The following TENM3 variants were observed in gnomAD, a reference collection of about 807,000 sequenced individuals.
TENM3 encodes the protein teneurin transmembrane protein 3.
A neutral mutation model predicts 255.1 loss-of-function variants in TENM3; 63 were observed. The observed-to-expected ratio is 0.25, with a 90% CI of 0.20 to 0.30. TENM3 has a LOEUF of 0.30. Ranked by LOEUF, TENM3 falls within the 10% of genes least tolerant of loss-of-function variation. The probability of loss-of-function intolerance (pLI) is 1.00; values close to 1 mark genes in which losing one functional copy is unlikely to be tolerated. For synonymous variants in TENM3, 1,306 were observed against 1,322.3 expected (o/e 0.99, Z 0.27); for missense variants, 2,929 against 3,461.1 (o/e 0.85, Z 3.86).
chr4:182,169,074 T>TACACACACACACACACACACAC (rs55885166), intron 1 of TENM3, among the ~76,000 whole-genome samples: 6 of 137,856 alleles, frequency 4.4e-5, no homozygotes, highest in South Asian at 2.4e-4. Context: ...AATCATGCCA[T>TACACACACACACACACACACAC]ACACACACAC....
chr4:181,993,347 G>A, the TENM3 span, among the ~76,000 whole-genome samples: 554 of 152,132 alleles, frequency 3.6e-3, 4 homozygotes, highest in African/African-American at 0.012. Flanking sequence ...TGATAAGCTG[G>A]ACTTACCCAC....
intron 3 of TENM3, among the ~76,000 whole-genome samples, chr4:182,490,889 T>A (rs2151583402): frequency 6.6e-6 from 1 of 152,340 alleles, no homozygotes; most frequent in South Asian, 2.1e-4. Context: ...TGCCTGCTTG[T>A]GTTTTTGTTA....
the TENM3 span, among the ~76,000 whole-genome samples, chr4:181,786,174 T>C: frequency 6.6e-6 from 1 of 152,128 alleles, no homozygotes; most frequent in Non-Finnish European, 1.5e-5. Context: ...CTTTGGGACT[T>C]ACAGACTTCA....
At chr4:181,945,260 A>G in the TENM3 span, among the ~76,000 whole-genome samples, 2 of 152,094 alleles carry the variant, frequency 1.3e-5, no homozygotes, top group African/African-American at 4.8e-5. Context: ...GAGGCAGTAT[A>G]TATTCCTAGA....
the TENM3 span, among the ~76,000 whole-genome samples, chr4:182,114,797 G>A: frequency 3.3e-5 from 5 of 152,160 alleles, no homozygotes; most frequent in Non-Finnish European, 7.3e-5. Context: ...TATGCTTAGT[G>A]TGTATACATA....
At chr4:181,480,819 A>G in the TENM3 span, among the ~76,000 whole-genome samples, 1 of 149,116 alleles carries the variant, frequency 6.7e-6, no homozygotes, top group Non-Finnish European at 1.5e-5. Context: ...TATAATATAG[A>G]TATATATTAA....
the TENM3 span, among the ~76,000 whole-genome samples, chr4:181,753,929 G>A: frequency 1.3e-5 from 2 of 152,116 alleles, no homozygotes; most frequent in Non-Finnish European, 2.9e-5. Context: ...AGGCAACACT[G>A]GGGGGAGTTA....
intron 3 of TENM3, among the ~76,000 whole-genome samples, chr4:182,428,566 G>T (rs917857850): frequency 6.6e-6 from 1 of 151,672 alleles, no homozygotes; most frequent in African/African-American, 2.4e-5. Flanking sequence ...GTCAGCTATT[G>T]ATTCCGTCAG....
At chr4:181,731,887 CTAA>C in the TENM3 span, among the ~76,000 whole-genome samples, 3 of 152,042 alleles carry the variant, frequency 2.0e-5, no homozygotes, top group Admixed American at 2.0e-4. Context: ...AATGATTGTC[CTAA>C]AAGTCCTACC....
intron 1 of TENM3, among the ~76,000 whole-genome samples, chr4:182,251,048 CAG>C (rs1757981147): frequency 6.6e-6 from 1 of 152,042 alleles, no homozygotes; most frequent in African/African-American, 2.4e-5. Flanking sequence ...CAGAGCCTCT[CAG>C]TGTTCCAGAG....
chr4:182,800,995 A>G lies in TENM3; in HGVS notation c.*644A>G, dbSNP rs1766913732. ...AAAGGAAATCCTGATTTTTTTGTAAATTATGTGAGACAAGTTGTTTATGGA... is the reference window on the plus strand; with the variant it reads ...AAAGGAAATCCTGATTTTTTTGTAAGTTATGTGAGACAAGTTGTTTATGGA... On this transcript the variant is annotated 3_prime_UTR_variant, in exon 28 of 28. Transcript: ENST00000511685. 1 of 152,674 alleles carries G rather than the reference A, an allele frequency of 6.5e-6. No homozygotes were observed. Among genetic ancestry groups the G allele is most frequent in the Non-Finnish European group, 1.5e-5 (1 of 68,036 alleles). 9.5% of individuals were successfully genotyped at this position (152,674 alleles called of 1,614,324 possible).
At chr4:181,709,832 T>C in the TENM3 span, among the ~76,000 whole-genome samples, 1 of 152,278 alleles carries the variant, frequency 6.6e-6, no homozygotes, top group East Asian at 1.9e-4. Flanking sequence ...ATTTTTTTGA[T>C]GGATTGGGAG....
At chr4:181,586,532 T>A in the TENM3 span, among the ~76,000 whole-genome samples, 1 of 152,096 alleles carries the variant, frequency 6.6e-6, no homozygotes, top group African/African-American at 2.4e-5. Context: ...GTTCAAGTGG[T>A]GGAGTTCCCT....
intron 5 of TENM3, among the ~76,000 whole-genome samples, chr4:182,630,308 T>C (rs1047127499): frequency 2.6e-5 from 4 of 152,132 alleles, no homozygotes; most frequent in Non-Finnish European, 2.9e-5. Context: ...CAAAAATCAA[T>C]ATTCCAGAGA....
chr4:181,722,085 A>G, the TENM3 span, among the ~76,000 whole-genome samples: 2 of 152,234 alleles, frequency 1.3e-5, no homozygotes, highest in Non-Finnish European at 2.9e-5. Flanking sequence ...TTCTAAACTG[A>G]GATGAAAAAG....
the TENM3 span, among the ~76,000 whole-genome samples, chr4:181,540,049 A>C: frequency 5.3e-5 from 8 of 152,154 alleles, no homozygotes; most frequent in African/African-American, 1.7e-4. Flanking sequence ...ATACAAAATG[A>C]ATCTGGAGCA....
chr4:182,800,013 G>C lies in TENM3; in HGVS notation c.7762G>C (p.Gly2588Arg), dbSNP rs1203339057. 1 of 1,594,172 alleles carries C rather than the reference G, an allele frequency of 6.3e-7. No homozygotes were observed. The highest frequency in any genetic ancestry group is 8.5e-7 in the Non-Finnish European group (1 of 1,171,544). The change falls in exon 28 of 28, where the codon GGC becomes CGC. Residue 2588 changes from glycine (G) to arginine (R), a missense_variant. By Grantham distance (125) the Gly-to-Arg change is moderately radical. Coordinates refer to ENST00000511685, the MANE Select transcript of TENM3 (RefSeq NM_001080477.4). Reference sequence around the variant, plus strand: ...GTCGCAGTCCACCACGGTGGTGAACGGCAGGACGCGCAGGTTCGCGGACGT... The same window carrying C: ...GTCGCAGTCCACCACGGTGGTGAACCGCAGGACGCGCAGGTTCGCGGACGT... Reference protein sequence around the residue: ...TVSQSTTVVNGRTRRFADVEM... With the variant: ...TVSQSTTVVNRRTRRFADVEM...
At chr4:182,483,913 G>A (rs942068296) in intron 3 of TENM3, among the ~76,000 whole-genome samples, 5 of 152,046 alleles carry the variant, frequency 3.3e-5, no homozygotes, top group Non-Finnish European at 7.4e-5. Context: ...TCACAAGAAC[G>A]ACAAGGAAGT....
At chr4:182,290,481 G>A (rs564638772) in intron 1 of TENM3, among the ~76,000 whole-genome samples, 29 of 152,246 alleles carry the variant, frequency 1.9e-4, no homozygotes, top group African/African-American at 6.5e-4. Context: ...ATGGCTTTAC[G>A]TCCCTAAAAA....
Sources: gnomAD v4.1 joint callset for allele counts (sites outside exome capture counted in the v4.1 genomes callset) on GRCh38, gnomAD v4.1.1 for gene constraint, MANE v1.5 for transcripts, NCBI Gene and HGNC (gene_info 2026-07-23, HGNC 2026-07-21) for gene names.